Variants in LAMA1 observed in about 807,000 individuals in gnomAD.
LAMA1 encodes the protein laminin subunit alpha 1.
LAMA1 carries 219 observed loss-of-function variants against 348.7 expected under a neutral mutation model. The ratio of observed to expected loss-of-function variants is 0.63; its 90% CI spans 0.56 to 0.70. LAMA1 has a LOEUF of 0.70. Among genes scored for constraint, LAMA1 ranks in the 30% least tolerant of loss-of-function variants. The probability of loss-of-function intolerance (pLI) is 0.00; values close to 1 mark genes in which losing one functional copy is unlikely to be tolerated. For synonymous variants in LAMA1, 1,487 were observed against 1,491.0 expected (o/e 1.00, Z 0.06); for missense variants, 3,744 against 3,888.0 (o/e 0.96, Z 0.99).
intron 61 of LAMA1, among the ~76,000 whole-genome samples, chr18:6,946,080 A>T (rs1038596277): frequency 6.6e-6 from 1 of 152,108 alleles, no homozygotes; most frequent in African/African-American, 2.4e-5. Flanking sequence ...GAGGGACATG[A>T]GAGGCTGAAA....
chr18:7,042,110 T>A lies in LAMA1; in HGVS notation c.1261+35A>T, dbSNP rs561017419. 22 of 1,424,260 alleles carry A rather than the reference T, an allele frequency of 1.5e-5. No homozygotes were observed. In the East Asian group the frequency reaches 4.9e-4, roughly 32 times the overall value. The allele number at this position is 1,424,260 out of a possible 1,614,324, so 88.2% of individuals were successfully genotyped here. A position where few individuals can be genotyped will look rare whatever the true frequency, so the allele number is the denominator to read the frequency against. On this transcript the variant is annotated intron_variant, in intron 9 of 62. Transcript: ENST00000389658. ...GCAAATCTTCCACACACACACAAAA[T>A]CAATTACAAGCACAAAAGTGAATCA...
At chr18:7,108,628 C>T (rs1313283531) in intron 1 of LAMA1, among the ~76,000 whole-genome samples, 1 of 96,222 alleles carries the variant, frequency 1.0e-5, no homozygotes, top group East Asian at 3.5e-4. Context: ...TGCACTGAGA[C>T]AGACTCTGTC....
chr18:7,049,058 G>T lies in LAMA1; in HGVS notation c.768+20C>A. ...TGAATCTTTTTATTTTATTTGGCAG[G>T]ACTGCCGTCCCATACTCACGCGTCT... is the stretch of plus-strand genomic sequence containing the variant. On this transcript the variant is annotated intron_variant, in intron 5 of 62. Transcript: ENST00000389658. The T allele has an allele frequency of 6.2e-7, 1 of 1,605,514 alleles. No homozygotes were observed. The highest frequency in any genetic ancestry group is 8.5e-7 in the Non-Finnish European group (1 of 1,172,490).
intron 3 of LAMA1, among the ~76,000 whole-genome samples, chr18:7,077,975 A>G (rs2058176265): frequency 1.3e-5 from 2 of 150,026 alleles, no homozygotes; most frequent in South Asian, 4.3e-4. Context: ...GAGGCAGGAG[A>G]ATCGCGTGAA....
intron 3 of LAMA1, among the ~76,000 whole-genome samples, chr18:7,061,001 CA>C (rs1172891629): frequency 6.6e-6 from 1 of 151,826 alleles, no homozygotes; most frequent in Non-Finnish European, 1.5e-5. Flanking sequence ...GCAAAAACTA[CA>C]AAAAAAATCA....
At chr18:7,020,469 C>T (rs1368643072) in intron 19 of LAMA1, among the ~76,000 whole-genome samples, 1 of 152,174 alleles carries the variant, frequency 6.6e-6, no homozygotes, top group Non-Finnish European at 1.5e-5. Context: ...GGGGGCCCTA[C>T]AAGAAGTCCA....
chr18:6,959,840 A>G, intron 53 of LAMA1: 1 of 302,550 alleles, frequency 3.3e-6, no homozygotes, highest in South Asian at 3.2e-5. Context: ...TTTTATTACC[A>G]TACATGTGAA....
intron 3 of LAMA1, among the ~76,000 whole-genome samples, chr18:7,076,662 T>TAA (rs57167873): frequency 2.4e-3 from 329 of 136,074 alleles, no homozygotes; most frequent in African/African-American, 8.4e-3. Context: ...GGATCCTGGT[T>TAA]AAAAAAAAAA....
intron 42 of LAMA1, 50 bp from the exon 43 acceptor site, chr18:6,978,428 G>C: frequency 1.3e-6 from 2 of 1,488,574 alleles, no homozygotes; most frequent in Non-Finnish European, 9.3e-7. Flanking sequence ...TACACACAGA[G>C]AAAAGAATAA....
At chr18:7,063,719 G>T (rs918518070) in intron 3 of LAMA1, among the ~76,000 whole-genome samples, 1 of 152,152 alleles carries the variant, frequency 6.6e-6, no homozygotes, top group African/African-American at 2.4e-5. Context: ...AAGCCTTGAG[G>T]ACATTATGTA....
intron 55 of LAMA1, among the ~76,000 whole-genome samples, chr18:6,957,640 G>A (rs891262804): frequency 1.3e-5 from 2 of 152,120 alleles, no homozygotes; most frequent in Non-Finnish European, 2.9e-5. Context: ...GCAGATGCTG[G>A]TCCCACAGAG....
chr18:6,976,757 C>T (rs1485231969), intron 44 of LAMA1, among the ~76,000 whole-genome samples: 1 of 152,034 alleles, frequency 6.6e-6, no homozygotes, highest in South Asian at 2.1e-4. Context: ...CAGGTTCACA[C>T]CACCAAGCCT....
At chr18:7,072,071 ACTTAT>A (rs5822940) in intron 3 of LAMA1, among the ~76,000 whole-genome samples, 11,181 of 152,220 alleles carry the variant, frequency 0.073, 1,337 homozygotes, top group African/African-American at 0.26. Context: ...GCCTGTTTAC[ACTTAT>A]CTTATCTTCC....
chr18:6,984,447 T>C (rs2057725520), intron 39 of LAMA1, among the ~76,000 whole-genome samples: 1 of 152,164 alleles, frequency 6.6e-6, no homozygotes, highest in Admixed American at 6.6e-5. Flanking sequence ...ACCTAAAACT[T>C]TGGTTCCCAC....
chr18:6,996,943 C>CCA (rs2057783806), intron 33 of LAMA1, among the ~76,000 whole-genome samples: 1 of 152,214 alleles, frequency 6.6e-6, no homozygotes, highest in East Asian at 1.9e-4. Flanking sequence ...ATGTAGCCTT[C>CCA]CAGGGAGGAG....
chr18:6,964,844 C>T (rs2057625346), intron 50 of LAMA1, 41 bp from the exon 51 acceptor site: 2 of 1,611,394 alleles, frequency 1.2e-6, no homozygotes, highest in South Asian at 2.2e-5. Context: ...AAAGGAAAAT[C>T]CCTTTCCATG....
In LAMA1 at chr18:7,013,831, C is replaced by T; in HGVS notation, c.3347G>A (p.Gly1116Glu). 1 of 1,611,216 alleles carries T rather than the reference C, an allele frequency of 6.2e-7. No homozygotes were observed. ...QGLCGCVEET[G>E]ACPCKENVFG... ...GGTAAATACCTTGCAAGGGCAGGCC[C>T]CGGTTTCCTCCACACAGCCGCAGAG... is the stretch of plus-strand genomic sequence containing the variant. Residue 1116 changes from glycine (G) to glutamate (E), a missense_variant, in exon 23 of 63, where the codon GGG becomes GAG. This residue lies in a region of LAMA1 where 1,529 missense variants were observed against 1,689.4 expected (regional missense o/e 0.91). Transcript: ENST00000389658.
At chr18:6,964,598 C>A in intron 51 of LAMA1, 64 bp downstream of exon 51, 1 of 1,590,006 alleles carries the variant, frequency 6.3e-7, no homozygotes, top group Non-Finnish European at 8.6e-7. Flanking sequence ...ACAGTCCATT[C>A]TCAGCCCTAG....
intron 1 of LAMA1, among the ~76,000 whole-genome samples, chr18:7,089,501 G>A (rs1209341663): frequency 1.3e-5 from 2 of 152,220 alleles, no homozygotes; most frequent in Non-Finnish European, 2.9e-5. Context: ...GAACAAGGCA[G>A]CCAGGAGGCC....
Sources: gnomAD v4.1 joint callset for allele counts (sites outside exome capture counted in the v4.1 genomes callset) on GRCh38, gnomAD v4.1.1 for gene constraint, gnomAD v4.1.1 regional missense constraint, MANE v1.5 for transcripts, NCBI Gene and HGNC (gene_info 2026-07-23, HGNC 2026-07-21) for gene names.